ITPRID2: variants seen among roughly 807,000 people sequenced by gnomAD.
The protein encoded by ITPRID2 is ITPR interacting domain containing 2.
Under a neutral mutation model 124.3 loss-of-function variants are expected in ITPRID2, and 60 were observed. That is an observed-to-expected ratio of 0.48 (90% CI 0.39 to 0.60). ITPRID2 has a LOEUF of 0.60. Among genes scored for constraint, ITPRID2 ranks in the 20% least tolerant of loss-of-function variants. The pLI, the probability that ITPRID2 is intolerant of heterozygous loss-of-function variation, is 0.00. For synonymous variants in ITPRID2, 521 were observed against 542.9 expected (o/e 0.96, Z 0.56); for missense variants, 1,553 against 1,512.2 (o/e 1.03, Z -0.45).
Position 181,930,491 on chromosome 2 carries a change from TTA to T in ITPRID2, c.*948_*949del. The T allele has an allele frequency of 6.5e-6, 1 of 152,722 alleles. No individual in the cohort carries two copies. Among genetic ancestry groups the T allele is most frequent in the Middle Eastern group, 3.4e-3 (1 of 292 alleles). The allele number at this position is 152,722 out of a possible 1,614,324, so 9.5% of individuals were successfully genotyped here. On this transcript the variant is annotated 3_prime_UTR_variant, in exon 18 of 18. Transcript: ENST00000431877. The stretch of plus-strand genomic sequence containing the variant: ...AAGGAAAATGGTTTCCCATTTGGTT[TTA>T]TATGTGTTAAATAAATGTGTAAAGT...
Position 181,922,214 on chromosome 2 carries a change from T to G in ITPRID2, c.3477T>G (p.Ala1159=). ...CATCGGTGGCTCTAACGCCAACAGC[T>G]CCTTCTAGAACAGGCTCTGTGCAGA... ...FRASVALTPT[A]PSRTGSVQTP... is the part of the protein sequence containing the mutation. The change falls in exon 16 of 18, where the codon GCT becomes GCG. Residue 1159 remains alanine (A), a synonymous_variant. Transcript: ENST00000431877. 6.2e-7 allele frequency: 1 copy of G among 1,614,228 alleles called. No homozygotes were observed. Among genetic ancestry groups the G allele is most frequent in the Non-Finnish European group, 8.5e-7 (1 of 1,180,036 alleles).
At chr2:181,893,817 T>C (rs1311772413) in intron 2 of ITPRID2, 1 of 152,200 alleles carries the variant, frequency 6.6e-6, no homozygotes, top group Non-Finnish European at 1.5e-5. Flanking sequence ...GATCAAGAAA[T>C]TGTATTAATG....
At chr2:181,920,507 G>A (rs191684901) in intron 14 of ITPRID2, 90 bp from the exon 15 acceptor site, 22 of 935,124 alleles carry the variant, frequency 2.4e-5, no homozygotes, top group Non-Finnish European at 3.3e-5. Flanking sequence ...CTTGTGATTT[G>A]AAAAAATATA....
At chr2:181,906,954 G>T (rs1693183310) in intron 8 of ITPRID2, among the ~76,000 whole-genome samples, 1 of 152,092 alleles carries the variant, frequency 6.6e-6, no homozygotes, top group Non-Finnish European at 1.5e-5. Context: ...GAAAAAGAAT[G>T]ATTTCCTCTG....
rs1166202590 is a variant in ITPRID2, at chr2:181,922,346, A to G, written c.3609A>G (p.Ser1203=). The change falls in exon 16 of 18, where the codon TCA becomes TCG. Residue 1203 remains serine, a synonymous_variant. Coordinates refer to ENST00000431877, the MANE Select transcript of ITPRID2 (RefSeq NM_001130445.3). ...AAGAAGGGCATGGAAAACTCCCATC[A>G]ATGCCAGCTGCTGAGGAAATGCATA... ...EVEEGHGKLP[S]MPAAEEMHKN... is the part of the protein sequence containing the mutation. 1 of 1,614,056 alleles carries G rather than the reference A, an allele frequency of 6.2e-7. No homozygotes were observed. The highest frequency in any genetic ancestry group is 1.7e-5 in the Admixed American group (1 of 59,994).
At chr2:181,894,477 G>C (rs1235249574) in intron 2 of ITPRID2, 1 of 152,084 alleles carries the variant, frequency 6.6e-6, no homozygotes, top group African/African-American at 2.4e-5. Context: ...TTTTAATCTT[G>C]GCTATATTAT....
At chr2:181,920,529 TA>T in intron 14 of ITPRID2, 67 bp from the exon 15 acceptor site, 4 of 1,132,284 alleles carry the variant, frequency 3.5e-6, no homozygotes, top group Non-Finnish European at 5.0e-6. Flanking sequence ...ATGTACATTA[TA>T]ATTATATATG....
intron 2 of ITPRID2, chr2:181,893,575 A>G (rs1372790913): frequency 6.6e-6 from 1 of 152,176 alleles, no homozygotes; most frequent in African/African-American, 2.4e-5. Context: ...GTTTTGATGA[A>G]TCGACTGGAA....
At chr2:181,926,439 C>T (rs183910991) in intron 16 of ITPRID2, among the ~76,000 whole-genome samples, 5 of 148,576 alleles carry the variant, frequency 3.4e-5, no homozygotes, top group East Asian at 4.1e-4. Context: ...GGCGACTGGG[C>T]GCGGTGGCTC....
Position 181,922,266 on chromosome 2 carries a change from GA to G in ITPRID2, c.3531del (p.Val1178LeufsTer11). On this transcript the variant is annotated frameshift_variant, in exon 16 of 18. Coordinates refer to ENST00000431877, the MANE Select transcript of ITPRID2 (RefSeq NM_001130445.3). LOFTEE classifies it high-confidence loss of function. The part of the protein sequence containing the change: ...QTPPDLESSE[E>X]VDAAEGAPEV... ...ACCTCCAGATTTGGAAAGTTCTGAGGAAGTTGATGCAGCTGAAGGAGCCCCA... is the reference window on the plus strand; with the variant it reads ...ACCTCCAGATTTGGAAAGTTCTGAGGAGTTGATGCAGCTGAAGGAGCCCCA... The G allele has an allele frequency of 6.2e-7, 1 of 1,614,232 alleles. No individual in the cohort carries two copies. Among genetic ancestry groups the G allele is most frequent in the Non-Finnish European group, 8.5e-7 (1 of 1,180,050 alleles).
rs759049897 is a variant in ITPRID2, at chr2:181,915,320, C to T, written c.1680C>T (p.Asp560=). The T allele has an allele frequency of 3.7e-6, 6 of 1,613,990 alleles. No homozygotes were observed. The Admixed American group carries it at 5.0e-5, about 13-fold the overall frequency. ...ACCTTGCCACACCAACAGCACAAGA[C>T]CAGCCTTATTTTAATGAATCAGAGG... ...GEDLATPTAQ[D]QPYFNESEEE... The change falls in exon 11 of 18, where the codon GAC becomes GAT. Residue 560 remains aspartate, a synonymous_variant. Coordinates refer to ENST00000431877, the MANE Select transcript of ITPRID2 (RefSeq NM_001130445.3).
rs1470904812 is a variant in ITPRID2 at position 181,922,160 on chromosome 2, A to G, written c.3423A>G (p.Pro1141=). ...STASVGKSKT[P]LVARKKVFRA... ...CCTCAGTGGGCAAATCCAAAACCCC[A>G]TTAGTGGCAAGGAAGAAAGTGTTCC... The change falls in exon 16 of 18, where the codon CCA becomes CCG. Residue 1141 remains proline, a synonymous_variant. Coordinates refer to ENST00000431877, the MANE Select transcript of ITPRID2 (RefSeq NM_001130445.3). 1.9e-6 allele frequency: 3 copies of G among 1,614,246 alleles called. No homozygotes were observed. The highest frequency in any genetic ancestry group is 1.7e-5 in the Admixed American group (1 of 60,034).
intron 17 of ITPRID2, 73 bp downstream of exon 17, chr2:181,928,351 T>C (rs1695017273): frequency 5.4e-6 from 5 of 920,360 alleles, no homozygotes; most frequent in South Asian, 3.5e-5. Flanking sequence ...GTTTTGTTAG[T>C]ATACAGGTTT....
chr2:181,906,690 G>T (rs1574241931), intron 8 of ITPRID2, among the ~76,000 whole-genome samples: 1 of 152,084 alleles, frequency 6.6e-6, no homozygotes, highest in African/African-American at 2.4e-5. Context: ...AGTGAGCCAT[G>T]ATTCCACCAC....
Position 181,916,266 on chromosome 2 carries a change from G to T in ITPRID2, c.2626G>T (p.Ala876Ser). Residue 876 changes from alanine (A) to serine (S), a missense_variant, in exon 11 of 18, where the codon GCT becomes TCT. Transcript: ENST00000431877. ...STHSVPNISG[A>S]TCSAFASPFG... The stretch of plus-strand genomic sequence containing the variant: ...TCACAGTGTTCCCAACATATCAGGG[G>T]CTACTTGTAGTGCCTTCGCTTCCCC... The T allele has an allele frequency of 6.2e-7, 1 of 1,614,176 alleles. No individual in the cohort carries two copies. The highest frequency in any genetic ancestry group is 8.5e-7 in the Non-Finnish European group (1 of 1,180,034).
Position 181,919,593 on chromosome 2 carries a change from A to C in ITPRID2, c.3144+147A>C. ...TGTTTAAGGAGCTTTCCCACAAATC[A>C]GTTGAATGTACAATTTGTAATAATT... On this transcript the variant is annotated intron_variant, in intron 14 of 17. Transcript: ENST00000431877. The surrounding 1 kb of genome is among the most constrained non-coding windows in gnomAD (Gnocchi z 4.2). 2.7e-6 allele frequency: 2 copies of C among 737,078 alleles called. No individual in the cohort carries two copies. Among genetic ancestry groups the C allele is most frequent in the Non-Finnish European group, 3.9e-6 (2 of 513,520 alleles). The allele number at this position is 737,078 out of a possible 1,614,324, so 45.7% of individuals were successfully genotyped here. A position where few individuals can be genotyped will look rare whatever the true frequency, so the allele number is the denominator to read the frequency against.
rs772850100 is a variant in ITPRID2, at chr2:181,922,329, C to A, written c.3592C>A (p.His1198Asn). The change falls in exon 16 of 18, where the codon CAT (histidine) becomes AAT (asparagine). Residue 1198 changes from histidine (H) to asparagine (N), a missense_variant. Transcript: ENST00000431877. ...ACCTAAATCTGAAGTGGAAGAAGGGCATGGAAAACTCCCATCAATGCCAGC... is the reference window on the plus strand; with the variant it reads ...ACCTAAATCTGAAGTGGAAGAAGGGAATGGAAAACTCCCATCAATGCCAGC... The part of the protein sequence containing the change: ...VGPKSEVEEG[H>N]GKLPSMPAAE... 1.2e-6 allele frequency: 2 copies of A among 1,614,010 alleles called. No homozygotes were observed. Among genetic ancestry groups the A allele is most frequent in the Non-Finnish European group, 8.5e-7 (1 of 1,180,038 alleles).
At position 181,913,848 on chromosome 2, in the gene ITPRID2, A is replaced by C; in HGVS notation, c.1490A>C (p.His497Pro). The C allele has an allele frequency of 6.2e-7, 1 of 1,609,636 alleles. No homozygotes were observed. The highest frequency in any genetic ancestry group is 1.7e-4 in the Middle Eastern group (1 of 5,984). Residue 497 changes from histidine (H) to proline (P), a missense_variant, in exon 10 of 18, where the codon CAT (histidine) becomes CCT (proline). Coordinates refer to ENST00000431877, the MANE Select transcript of ITPRID2 (RefSeq NM_001130445.3). ...QLGLTKSKRD[H>P]LLRTASQHSD... The stretch of plus-strand genomic sequence containing the variant: ...AGCCACATTTTTTTATTCATAGATC[A>C]TCTGTTACGTACTGCAAGTCAGCAT...
chr2:181,900,840 T>G lies in ITPRID2; in HGVS notation c.648T>G (p.Ile216Met), dbSNP rs150278358. 8.1e-4 allele frequency: 1,312 copies of G among 1,613,138 alleles called. 16 individuals are homozygous for G. Among genetic ancestry groups the G allele is most frequent in the Non-Finnish European group, 1.8e-4 (217 of 1,179,586 alleles). Residue 216 changes from isoleucine (I) to methionine (M), a missense_variant, in exon 7 of 18, where the codon ATT becomes ATG. Transcript: ENST00000431877. Reference protein sequence around the residue: ...NSSSFAKGIDIKVFLSAQMQR... With the variant: ...NSSSFAKGIDMKVFLSAQMQR... ...CATCCTTTGCCAAAGGGATAGATAT[T>G]AAAGTATTTTTGAGTGCTCAGATGC...
Sources: gnomAD v4.1 joint callset for allele counts (sites outside exome capture counted in the v4.1 genomes callset) on GRCh38, gnomAD v4.1.1 for gene constraint, Gnocchi (gnomAD v3.1) non-coding constraint, MANE v1.5 for transcripts, NCBI Gene and HGNC (gene_info 2026-07-23, HGNC 2026-07-21) for gene names.